Variants in DLGAP2 observed in about 807,000 individuals in gnomAD.
The protein encoded by DLGAP2 is DLG associated protein 2, also known as disks large-associated protein 2.
DLGAP2 carries 26 observed loss-of-function variants against 100.3 expected under a neutral mutation model. That is an observed-to-expected ratio of 0.26 (90% CI 0.19 to 0.36). The LOEUF is 0.36. Ranked by LOEUF, DLGAP2 falls within the 10% of genes least tolerant of loss-of-function variation. DLGAP2 has a pLI of 1.00. For synonymous variants in DLGAP2, 886 were observed against 630.1 expected (o/e 1.41, Z -6.08); for missense variants, 1,858 against 1,453.2 (o/e 1.28, Z -4.53).
intron 2 of DLGAP2, among the ~76,000 whole-genome samples, chr8:967,846 A>ACCAC (rs1799916064): frequency 1.4e-5 from 1 of 71,802 alleles, no homozygotes; most frequent in Non-Finnish European, 2.7e-5. Flanking sequence ...ATATATATAT[A>ACCAC]TATATATATA....
rs73670745 is a variant in DLGAP2 at position 1,313,765 on chromosome 8, G to A, written c.106+54882G>A. On this transcript the variant is annotated intron_variant, in intron 3 of 14. Transcript: ENST00000637795. ...ATTTTTGAATATCAGATGTAGGAAG[G>A]CTGAATTATGTCTGGGGAGGGGAGA... Among the ~76,000 whole-genome samples the A allele has an allele frequency of 1.4e-3, 206 of 152,168 alleles. 1 individual carries two copies. Among genetic ancestry groups the A allele is most frequent in the African/African-American group, 4.7e-3 (197 of 41,516 alleles).
chr8:788,271 C>T (rs898080185), intron 1 of DLGAP2, among the ~76,000 whole-genome samples: 19 of 152,238 alleles, frequency 1.2e-4, no homozygotes, highest in Non-Finnish European at 2.5e-4. Context: ...TCTGGGGCAT[C>T]GATATCCATA....
In DLGAP2 at chr8:1,223,285, C is replaced by T. The variant is rs1798353131; in HGVS notation, c.74-35566C>T. Among the ~76,000 whole-genome samples, 5 of 152,230 alleles carry T rather than the reference C, an allele frequency of 3.3e-5. 1 individual carries two copies. In the South Asian group the frequency reaches 1.0e-3, roughly 32 times the overall value. ...CTGTCCACTTTGAAAGCCTTTTTTCCAAGGATCTGTTCACAGTGTGCAGGT... is the reference window on the plus strand; with the variant it reads ...CTGTCCACTTTGAAAGCCTTTTTTCTAAGGATCTGTTCACAGTGTGCAGGT... On this transcript the variant is annotated intron_variant, in intron 2 of 14. Transcript: ENST00000637795.
chr8:1,258,833 C>G lies in DLGAP2; in HGVS notation c.74-18C>G. On this transcript the variant is annotated intron_variant, in intron 2 of 14. Coordinates refer to ENST00000637795, the MANE Select transcript of DLGAP2 (RefSeq NM_001346810.2). ...AGACCCTGTGGGTGTAACAGCTTCT[C>G]TCTGTCTCTGTTTTCAGAGTCGCAG... 2 of 1,231,706 alleles carry G rather than the reference C, an allele frequency of 1.6e-6. No homozygotes were observed. The highest frequency in any genetic ancestry group is 2.0e-6 in the Non-Finnish European group (2 of 987,970). 76.3% of individuals were successfully genotyped at this position (1,231,706 alleles called of 1,614,324 possible).
chr8:1,206,873 G>A (rs189686387), intron 2 of DLGAP2, among the ~76,000 whole-genome samples: 40 of 152,128 alleles, frequency 2.6e-4, no homozygotes, highest in African/African-American at 9.6e-4. Flanking sequence ...GCCTTCTCAC[G>A]ATCCATCCCT....
intron 2 of DLGAP2, among the ~76,000 whole-genome samples, chr8:999,484 T>C (rs954417678): frequency 6.6e-6 from 1 of 151,526 alleles, no homozygotes. Flanking sequence ...GTTTTTCTTT[T>C]TTTTTTTTTT....
intron 2 of DLGAP2, among the ~76,000 whole-genome samples, chr8:1,044,472 T>A (rs12675914): frequency 0.6 from 90,869 of 152,078 alleles, 27,191 homozygotes; most frequent in African/African-American, 0.61. Flanking sequence ...CGTGACCACC[T>A]GGCTTAAACG....
chr8:965,756 T>G (rs1488173927), intron 2 of DLGAP2, among the ~76,000 whole-genome samples: 3 of 120,504 alleles, frequency 2.5e-5, no homozygotes, highest in Admixed American at 8.5e-5. Flanking sequence ...GGCTCCTGAG[T>G]CTGACCCCTG....
intron 1 of DLGAP2, among the ~76,000 whole-genome samples, chr8:882,567 C>T (rs11775353): frequency 8.6e-4 from 7 of 8,128 alleles, no homozygotes; most frequent in East Asian, 9.0e-3. Context: ...CGGAGGCCTC[C>T]CCTGCGCGCA....
chr8:844,719 A>C (rs575296747), intron 1 of DLGAP2, among the ~76,000 whole-genome samples: 11 of 152,342 alleles, frequency 7.2e-5, no homozygotes, highest in Admixed American at 6.5e-4. Context: ...TTTTATTAAC[A>C]AATTTACTTA....
chr8:1,106,800 G>A (rs1303263683), intron 2 of DLGAP2, among the ~76,000 whole-genome samples: 5 of 152,170 alleles, frequency 3.3e-5, no homozygotes, highest in African/African-American at 1.2e-4. Context: ...GCCATTCTAG[G>A]AGGGTGAGGT....
chr8:1,276,560 A>G (rs1585215685), intron 3 of DLGAP2, among the ~76,000 whole-genome samples: 2 of 152,038 alleles, frequency 1.3e-5, no homozygotes, highest in Admixed American at 6.6e-5. Flanking sequence ...CTCTTGCTAT[A>G]GTTTTCACAT....
At chr8:1,315,118 A>C (rs926840102) in intron 3 of DLGAP2, among the ~76,000 whole-genome samples, 1 of 152,336 alleles carries the variant, frequency 6.6e-6, no homozygotes, top group East Asian at 1.9e-4. Context: ...GTATTTAGTA[A>C]GTAACATTTT....
Position 926,029 on chromosome 8 carries a change from G to A in DLGAP2, c.73+18063G>A, listed in dbSNP as rs565996065. On this transcript the variant is annotated intron_variant, in intron 2 of 14. Transcript: ENST00000637795. ...TCACTTGGGCTCCGGGCCGCTCGGG[G>A]GCACAGAGCAGGTCTTAGCCATGCT... Among the ~76,000 whole-genome samples the A allele has an allele frequency of 1.4e-4, 22 of 152,280 alleles. No homozygotes were observed. In the South Asian group the frequency reaches 4.4e-3, roughly 30 times the overall value.
At chr8:1,417,160 A>AGACCCCTGTTCATTTAGCGTCTGAGGCG (rs1563133711) in intron 3 of DLGAP2, among the ~76,000 whole-genome samples, 5 of 108,312 alleles carry the variant, frequency 4.6e-5, no homozygotes, top group Non-Finnish European at 5.8e-5. Flanking sequence ...CTCTGAGTGA[A>AGACCCCTGTTCATTTAGCGTCTGAGGCG]GGGGAAGCCC....
At chr8:1,222,981 G>A (rs1226975634) in intron 2 of DLGAP2, among the ~76,000 whole-genome samples, 5 of 152,130 alleles carry the variant, frequency 3.3e-5, no homozygotes, top group Admixed American at 1.3e-4. Context: ...GGGTGCCCAT[G>A]GCTGAGCTCC....
intron 2 of DLGAP2, among the ~76,000 whole-genome samples, chr8:1,180,737 G>A: frequency 6.6e-6 from 1 of 151,438 alleles, no homozygotes; most frequent in South Asian, 2.1e-4. Flanking sequence ...ACTTACCATT[G>A]AGTCTGTGTG....
At chr8:778,621 C>T (rs1408055424) in intron 1 of DLGAP2, among the ~76,000 whole-genome samples, 1 of 152,186 alleles carries the variant, frequency 6.6e-6, no homozygotes, top group Admixed American at 6.5e-5. Flanking sequence ...CAGTGTACCC[C>T]TGTTGGGGGG....
At chr8:1,553,027 C>G (rs986534900) in intron 5 of DLGAP2, among the ~76,000 whole-genome samples, 11 of 152,204 alleles carry the variant, frequency 7.2e-5, no homozygotes, top group Admixed American at 5.2e-4. Context: ...GCCAAAGGCT[C>G]TCTATGCCAC....
Sources: allele counts gnomAD v4.1 joint callset (sites outside exome capture counted in the v4.1 genomes callset), GRCh38; gene constraint gnomAD v4.1.1; transcripts MANE v1.5; gene names NCBI Gene and HGNC (gene_info 2026-07-23, HGNC 2026-07-21).